The following SVEP1 variants were observed in gnomAD, a reference collection of about 807,000 sequenced individuals.
SVEP1 encodes the protein sushi, von Willebrand factor type A, EGF and pentraxin domain containing 1, also known as sushi, von Willebrand factor type A, EGF and pentraxin domain-containing protein 1.
SVEP1 carries 164 observed loss-of-function variants against 367.3 expected under a neutral mutation model. The observed-to-expected ratio is 0.45, with a 90% CI of 0.39 to 0.51. The LOEUF is 0.51. SVEP1 is among the 20% of genes least tolerant of loss of function. The pLI, the probability that SVEP1 is intolerant of heterozygous loss-of-function variation, is 0.00. For missense variants in SVEP1, 4,117 were observed against 4,425.3 expected (o/e 0.93, Z 1.98); for synonymous variants, 1,666 against 1,611.6 (o/e 1.03, Z -0.81).
chr9:110,482,276 C>T (rs1278190508), intron 11 of SVEP1, 85 bp downstream of exon 11: 2 of 1,386,048 alleles, frequency 1.4e-6, no homozygotes, highest in African/African-American at 1.5e-5. Context: ...TGCTCATAGC[C>T]TATTTTCTTT....
chr9:110,433,087 G>T (rs186741291), intron 30 of SVEP1, among the ~76,000 whole-genome samples: 72 of 152,244 alleles, frequency 4.7e-4, no homozygotes, highest in Admixed American at 2.4e-3. Context: ...GTCATGTGAT[G>T]TGCCTACTCT....
At position 110,506,847 on chromosome 9, in the gene SVEP1, A is replaced by AAGAGG. The variant is rs369352638; in HGVS notation, c.1304-3635_1304-3631dup. On this transcript the variant is annotated intron_variant, in intron 5 of 47. Coordinates refer to ENST00000374469, the MANE Select transcript of SVEP1 (RefSeq NM_153366.4). ...AGGGGAAACATAGGTGGAGGAGATGAAGAGGAGAGGAGAGGAGAAGAGGAA... is the reference window on the plus strand; with the variant it reads ...AGGGGAAACATAGGTGGAGGAGATGAAGAGGAGAGGAGAGGAGAGGAGAAGAGGAA... 4.9e-3 allele frequency among the ~76,000 whole-genome samples: 752 copies of AAGAGG among 152,178 alleles called. 4 individuals carry two copies. Among genetic ancestry groups the AAGAGG allele is most frequent in the African/African-American group, 0.017 (721 of 41,512 alleles).
intron 23 of SVEP1, among the ~76,000 whole-genome samples, chr9:110,450,471 T>TTTG (rs1361699305): frequency 7.4e-6 from 1 of 135,808 alleles, no homozygotes; most frequent in Non-Finnish European, 1.5e-5. Context: ...TAATCTGTTT[T>TTTG]TTTTTTTTTT....
chr9:110,432,029 C>T lies in SVEP1; in HGVS notation c.5239G>A (p.Asp1747Asn), dbSNP rs781782622. Reference sequence around the variant, plus strand: ...CAATCTGATCCAACTGCACACTCATCGACATCTAAAATGAAGACAGCTTAT... The same window carrying T: ...CAATCTGATCCAACTGCACACTCATTGACATCTAAAATGAAGACAGCTTAT... ...NGVSPSCLDVDECAVGSDCSE... is the reference protein window; with the variant it reads ...NGVSPSCLDVNECAVGSDCSE... The change falls in exon 32 of 48, where the codon GAT becomes AAT. Residue 1747 changes from aspartate to asparagine, a missense_variant. Asp to Asn is a conservative substitution (Grantham distance 23, BLOSUM62 1). Coordinates refer to ENST00000374469, the MANE Select transcript of SVEP1 (RefSeq NM_153366.4). The T allele has an allele frequency of 1.8e-5, 29 of 1,598,224 alleles. No individual in the cohort carries two copies. The South Asian group carries it at 1.8e-4, about 10-fold the overall frequency.
chr9:110,389,767 T>G (rs374113339), intron 40 of SVEP1, among the ~76,000 whole-genome samples, 180 bp from the exon 41 acceptor site: 3 of 152,198 alleles, frequency 2.0e-5, no homozygotes, highest in African/African-American at 7.2e-5. Flanking sequence ...ATTTATCAAA[T>G]TGCTTCAAAA....
chr9:110,483,229 T>G (rs1829222955), intron 10 of SVEP1, among the ~76,000 whole-genome samples: 1 of 152,200 alleles, frequency 6.6e-6, no homozygotes, highest in Admixed American at 6.5e-5. Context: ...ATTTAAGAAC[T>G]GAGTCTGAAT....
chr9:110,481,476 A>G (rs1345702272), intron 11 of SVEP1, 40 bp from the exon 12 acceptor site: 1 of 1,342,950 alleles, frequency 7.4e-7, no homozygotes, highest in Admixed American at 3.1e-5. Flanking sequence ...ATAGTGGTAC[A>G]AGAAGCATAA....
At position 110,455,603 on chromosome 9, in the gene SVEP1, T is replaced by C. The variant is rs1403842059; in HGVS notation, c.3774A>G (p.Pro1258=). The C allele has an allele frequency of 1.2e-6, 2 of 1,613,460 alleles. No individual in the cohort carries two copies. Among genetic ancestry groups the C allele is most frequent in the East Asian group, 2.2e-5 (1 of 44,862 alleles). ...DLVGEFICEC[P]SGYTGQRCEE... ...CCTTCCCCTTACCTGTGTAACCTGA[T>C]GGGCACTCACAAATGAATTCCCCAA... Residue 1258 remains proline (P), a synonymous_variant, in exon 22 of 48, where the codon CCA becomes CCG. Coordinates refer to ENST00000374469, the MANE Select transcript of SVEP1 (RefSeq NM_153366.4).
At chr9:110,441,789 A>G (rs1828513238) in intron 27 of SVEP1, among the ~76,000 whole-genome samples, 2 of 152,210 alleles carry the variant, frequency 1.3e-5, no homozygotes, top group South Asian at 4.1e-4. Context: ...TTTGTTGTTT[A>G]GGAATTTTCA....
intron 1 of SVEP1, among the ~76,000 whole-genome samples, chr9:110,559,555 C>T (rs897202991): frequency 6.6e-5 from 10 of 151,774 alleles, no homozygotes; most frequent in Non-Finnish European, 1.5e-4. Flanking sequence ...CCAAGGTTTT[C>T]TTTAAATTTC....
chr9:110,539,055 A>C lies in SVEP1; in HGVS notation c.964+7060T>G, dbSNP rs545739633. ...AAACATGAAAATCTTGCAATTGCCTAAGATTTCAGCAATGAGTTCTGTTCC... is the reference window on the plus strand; with the variant it reads ...AAACATGAAAATCTTGCAATTGCCTCAGATTTCAGCAATGAGTTCTGTTCC... On this transcript the variant is annotated intron_variant, in intron 3 of 47. Coordinates refer to ENST00000374469, the MANE Select transcript of SVEP1 (RefSeq NM_153366.4). Among the ~76,000 whole-genome samples the C allele has an allele frequency of 2.0e-5, 3 of 152,212 alleles. No individual in the cohort carries two copies. The South Asian group carries it at 6.2e-4, about 32-fold the overall frequency.
Position 110,390,341 on chromosome 9 carries a change from T to TTATATATACGTATA in SVEP1, c.9823-755_9823-754insTATACGTATATATA. ...TATATATACTTATATATACACATAC[T>TTATATATACGTATA]TATATACACTTATATATATATACTT... On this transcript the variant is annotated intron_variant, in intron 40 of 47. Transcript: ENST00000374469. Among the ~76,000 whole-genome samples the TTATATATACGTATA allele has an allele frequency of 3.3e-4, 10 of 30,424 alleles. 2 individuals carry two copies. The highest frequency in any genetic ancestry group is 2.1e-3 in the African/African-American group (8 of 3,778). The allele number at this position is 30,424 out of a possible 152,430, so 20.0% of individuals were successfully genotyped here. A position where few individuals can be genotyped will look rare whatever the true frequency, so the allele number is the denominator to read the frequency against.
chr9:110,499,721 T>C (rs1829503448), intron 6 of SVEP1, among the ~76,000 whole-genome samples: 4 of 152,208 alleles, frequency 2.6e-5, no homozygotes, highest in Admixed American at 2.6e-4. Flanking sequence ...GGCCTTGACC[T>C]TGAATGCTAT....
intron 22 of SVEP1, among the ~76,000 whole-genome samples, chr9:110,452,475 G>T (rs1828707720): frequency 6.6e-6 from 1 of 152,158 alleles, no homozygotes; most frequent in South Asian, 2.1e-4. Context: ...CTAAGGAAAT[G>T]CAACCATAGG....
chr9:110,564,213 C>CA (rs1830463176), intron 1 of SVEP1, among the ~76,000 whole-genome samples: 1 of 152,086 alleles, frequency 6.6e-6, no homozygotes, highest in South Asian at 2.1e-4. Flanking sequence ...AAAAGGGCAC[C>CA]AAATGCCAGG....
chr9:110,450,015 T>G lies in SVEP1; in HGVS notation c.4103+44A>C, dbSNP rs552811611. 6.2e-6 allele frequency: 10 copies of G among 1,604,460 alleles called. No individual in the cohort carries two copies. The Admixed American group carries it at 6.7e-5, about 11-fold the overall frequency. ...AAAGGCTGCAGAATCACTGAATAGTTTAAAAAATAAAAACAGTGAAAAGAA... is the reference window on the plus strand; with the variant it reads ...AAAGGCTGCAGAATCACTGAATAGTGTAAAAAATAAAAACAGTGAAAAGAA... On this transcript the variant is annotated intron_variant, in intron 24 of 47. Transcript: ENST00000374469.
At chr9:110,469,871 A>G (rs1452548223) in intron 16 of SVEP1, among the ~76,000 whole-genome samples, 3 of 152,178 alleles carry the variant, frequency 2.0e-5, no homozygotes, top group African/African-American at 7.2e-5. Context: ...CGTGATTCCT[A>G]ATTTTTACTC....
chr9:110,525,155 C>T (rs1754333259), intron 3 of SVEP1, among the ~76,000 whole-genome samples: 1 of 152,022 alleles, frequency 6.6e-6, no homozygotes, highest in Non-Finnish European at 1.5e-5. Flanking sequence ...GGAAGAAATA[C>T]AACTAAACCT....
At chr9:110,403,305 T>TTTG (rs1554712284) in intron 39 of SVEP1, among the ~76,000 whole-genome samples, 3 of 128,346 alleles carry the variant, frequency 2.3e-5, no homozygotes, top group African/African-American at 6.4e-5. Flanking sequence ...CGTTTTTTTT[T>TTTG]TTTTTTTTTT....
Sources: allele counts gnomAD v4.1 joint callset (sites outside exome capture counted in the v4.1 genomes callset), GRCh38; gene constraint gnomAD v4.1.1; transcripts MANE v1.5; gene names NCBI Gene and HGNC (gene_info 2026-07-23, HGNC 2026-07-21).